The following ACSL4 variants were observed in gnomAD, a reference collection of about 807,000 sequenced individuals.
The protein encoded by ACSL4 is long-chain-fatty-acid--CoA ligase 4.
A neutral mutation model predicts 49.1 loss-of-function variants in ACSL4; 9 were observed. The observed-to-expected ratio is 0.18, with a 90% CI of 0.11 to 0.32. The LOEUF is 0.32. ACSL4 is among the 10% of genes least tolerant of loss of function. ACSL4 has a pLI of 1.00. For missense variants in ACSL4, 333 were observed against 493.7 expected, an observed-to-expected ratio of 0.67 and a Z score of 3.08; for synonymous variants, 191 against 170.3, an observed-to-expected ratio of 1.12 and a Z score of -0.95.
intron 1 of ACSL4, 193 bp downstream of exon 1, chrX:109,732,946 C>T (rs1928586860): frequency 9.5e-6 from 3 of 314,773 alleles, no homozygotes; most frequent in Non-Finnish European, 1.9e-5. Context: ...GGAATCTTCC[C>T]GGCCCCAGCG....
chrX:109,679,637 A>G (rs1924016004), intron 6 of ACSL4, among the ~76,000 whole-genome samples: 1 of 112,486 alleles, frequency 8.9e-6, no homozygotes, highest in Non-Finnish European at 1.9e-5. Flanking sequence ...AGCACATGTG[A>G]TACTTTGCTT....
intron 15 of ACSL4, among the ~76,000 whole-genome samples, chrX:109,653,302 C>T (rs1311393793): frequency 9.0e-6 from 1 of 111,628 alleles, no homozygotes; most frequent in Non-Finnish European, 1.9e-5. Context: ...AGTCAGGGAA[C>T]AACAGGTGCT....
chrX:109,730,580 C>T (rs1299458316), intron 1 of ACSL4, among the ~76,000 whole-genome samples: 1 of 112,291 alleles, frequency 8.9e-6, no homozygotes, highest in Admixed American at 9.5e-5. Context: ...TAGGGTTTGT[C>T]TTAACCATCA....
chrX:109,656,498 T>G (rs1921655763), intron 15 of ACSL4, among the ~76,000 whole-genome samples: 2 of 110,994 alleles, frequency 1.8e-5, no homozygotes, highest in Admixed American at 1.9e-4. Context: ...GTAAATCATC[T>G]TCTATGGTTA....
chrX:109,644,834 G>A (rs1431489741), intron 15 of ACSL4, among the ~76,000 whole-genome samples: 4 of 113,255 alleles, frequency 3.5e-5, no homozygotes, highest in East Asian at 2.8e-4. Context: ...CACCATGCGC[G>A]AGCCGAAGCA....
intron 14 of ACSL4, among the ~76,000 whole-genome samples, chrX:109,659,784 C>A (rs759274938): frequency 1.3e-4 from 14 of 110,566 alleles, no homozygotes; most frequent in Non-Finnish European, 2.1e-4. Flanking sequence ...ACAGTCTCGT[C>A]AACAAATGGT....
At chrX:109,667,989 T>C (rs974725218) in intron 11 of ACSL4, 112 bp downstream of exon 11, 2 of 532,430 alleles carry the variant, frequency 3.8e-6, no homozygotes, top group African/African-American at 4.6e-5. Context: ...TTGCAATGAA[T>C]CTGATATTAG....
rs1390805808 is a variant in ACSL4, at chrX:109,641,482, T to C, written c.*2547A>G. Reference sequence around the variant, plus strand: ...AGAAAGTACAAATATGAATACATTATAATTTGTAACTGCATTTAAAAATTA... The same window carrying C: ...AGAAAGTACAAATATGAATACATTACAATTTGTAACTGCATTTAAAAATTA... On this transcript the variant is annotated 3_prime_UTR_variant, in exon 16 of 16. Coordinates refer to ENST00000672401, the MANE Select transcript of ACSL4 (RefSeq NM_001318510.2). The C allele has an allele frequency of 8.8e-6, 1 of 113,237 alleles. No individual in the cohort carries two copies. Among genetic ancestry groups the C allele is most frequent in the African/African-American group, 3.2e-5 (1 of 31,144 alleles). 9.3% of individuals were successfully genotyped at this position (113,237 alleles called of 1,213,427 possible).
At chrX:109,688,047 G>A (rs942656874) in intron 2 of ACSL4, among the ~76,000 whole-genome samples, 1 of 111,883 alleles carries the variant, frequency 8.9e-6, no homozygotes, top group African/African-American at 3.3e-5. Context: ...CCCTGATGCA[G>A]AGAGACCACA....
intron 1 of ACSL4, among the ~76,000 whole-genome samples, chrX:109,709,855 C>T (rs971797274): frequency 9.0e-6 from 1 of 111,581 alleles, no homozygotes; most frequent in African/African-American, 3.3e-5. Context: ...GCCTGTAATC[C>T]CAGCACTTTG....
rs750770026 is a variant in ACSL4, at chrX:109,712,051, A to G, written c.-65-15855T>C. Among the ~76,000 whole-genome samples, 6 of 112,199 alleles carry G rather than the reference A, an allele frequency of 5.3e-5. No homozygotes were observed. The South Asian group carries it at 2.2e-3, about 42-fold the overall frequency. On this transcript the variant is annotated intron_variant, in intron 1 of 15. Coordinates refer to ENST00000672401, the MANE Select transcript of ACSL4 (RefSeq NM_001318510.2). ...ATATGCCTCTCCACATTTGAAATAC[A>G]TAGGAGGGCCTCCTCTCATATATTA...
intron 9 of ACSL4, among the ~76,000 whole-genome samples, chrX:109,670,125 GAATT>G (rs1171208140): frequency 1.8e-5 from 2 of 112,009 alleles, no homozygotes; most frequent in African/African-American, 3.2e-5. Flanking sequence ...CACAAATTAA[GAATT>G]ATTACATAAA....
intron 9 of ACSL4, among the ~76,000 whole-genome samples, chrX:109,670,550 A>C (rs1299686151): frequency 3.9e-5 from 4 of 102,066 alleles, no homozygotes; most frequent in Non-Finnish European, 2.0e-5. Flanking sequence ...ACACCACTGC[A>C]CTCTAGCCTG....
At chrX:109,659,902 T>C (rs1393074221) in intron 14 of ACSL4, among the ~76,000 whole-genome samples, 1 of 110,573 alleles carries the variant, frequency 9.0e-6, no homozygotes, top group East Asian at 2.8e-4. Context: ...ATCGAAGAGC[T>C]ATTAAGTCGG....
chrX:109,662,373 G>A (rs1271549448), intron 13 of ACSL4, among the ~76,000 whole-genome samples: 1 of 111,070 alleles, frequency 9.0e-6, no homozygotes, highest in African/African-American at 3.3e-5. Flanking sequence ...ATGGTTCCTG[G>A]TTCAAATTTC....
intron 8 of ACSL4, 109 bp downstream of exon 8, chrX:109,677,879 C>G: frequency 9.3e-7 from 1 of 1,080,093 alleles, no homozygotes; most frequent in Non-Finnish European, 1.3e-6. Flanking sequence ...ATTTTGAGGT[C>G]AAGGAGAAAG....
chrX:109,659,610 AT>A, intron 14 of ACSL4, 99 bp from the exon 15 acceptor site: 1 of 535,499 alleles, frequency 1.9e-6, no homozygotes. Context: ...CCAAATATAT[AT>A]TTCTCTTATT....
intron 9 of ACSL4, among the ~76,000 whole-genome samples, chrX:109,671,885 G>C (rs772747026): frequency 1.1e-4 from 12 of 109,846 alleles, no homozygotes; most frequent in South Asian, 7.8e-4. Context: ...CAGCATGCTC[G>C]TTAACAGTCA....
chrX:109,716,794 C>T (rs1349385368), intron 1 of ACSL4, among the ~76,000 whole-genome samples: 1 of 111,975 alleles, frequency 8.9e-6, no homozygotes, highest in Non-Finnish European at 1.9e-5. Flanking sequence ...CAATGAAATA[C>T]TATTTAAGGA....
Sources: gnomAD v4.1 joint callset for allele counts (sites outside exome capture counted in the v4.1 genomes callset) on GRCh38, gnomAD v4.1.1 for gene constraint, MANE v1.5 for transcripts, NCBI Gene and HGNC (gene_info 2026-07-23, HGNC 2026-07-21) for gene names.